Variants in SDR39U1 observed in about 807,000 individuals in gnomAD.
SDR39U1 encodes short chain dehydrogenase/reductase family 39U member 1.
In SDR39U1, 29 loss-of-function variants were observed where a neutral mutation model predicts 31.7. That is an observed-to-expected ratio of 0.92 (90% CI 0.68 to 1.25). The LOEUF (loss-of-function observed/expected upper bound fraction) is 1.25, where lower values mean the gene tolerates loss of function less well. SDR39U1 is among the 50% of genes most tolerant of loss of function. The pLI, the probability that SDR39U1 is intolerant of heterozygous loss-of-function variation, is 0.00. For synonymous variants in SDR39U1, 147 were observed against 159.0 expected (o/e 0.92, Z 0.57); for missense variants, 403 against 378.4 (o/e 1.06, Z -0.54).
chr14:24,440,508 G>A lies in SDR39U1; in HGVS notation c.473-16C>T. On this transcript the variant is annotated splice_polypyrimidine_tract_variant and intron_variant, in intron 5 of 5. Coordinates refer to ENST00000399395, the MANE Select transcript of SDR39U1 (RefSeq NM_020195.3). Reference sequence around the variant, plus strand: ...AGCACAACCCCTAGAGCAGGAAAGAGGGAAGGTACAGGGGTCCTCTCAGCC... The same window carrying A: ...AGCACAACCCCTAGAGCAGGAAAGAAGGAAGGTACAGGGGTCCTCTCAGCC... 3 of 1,592,468 alleles carry A rather than the reference G, an allele frequency of 1.9e-6. No individual in the cohort carries two copies. Among genetic ancestry groups the A allele is most frequent in the Non-Finnish European group, 2.6e-6 (3 of 1,169,584 alleles).
At chr14:24,440,728 C>A in intron 5 of SDR39U1, 55 bp downstream of exon 5, 2 of 1,590,006 alleles carry the variant, frequency 1.3e-6, no homozygotes, top group Non-Finnish European at 1.7e-6. Context: ...CCCATCACTT[C>A]CCCAGCCCAG....
In SDR39U1 at chr14:24,440,379, C is replaced by T. The variant is rs201633979; in HGVS notation, c.586G>A (p.Gly196Arg). The T allele has an allele frequency of 1.2e-5, 20 of 1,613,964 alleles. No individual in the cohort carries two copies. The highest frequency in any genetic ancestry group is 5.0e-5 in the Admixed American group (3 of 60,014). The part of the protein sequence containing the change: ...GHQFFPWIHI[G>R]DLAGILTHAL... ...TGGGTCAGGATTCCTGCCAGGTCCCCGATGTGTATCCAGGGGAAGAATTGG... is the reference window on the plus strand; with the variant it reads ...TGGGTCAGGATTCCTGCCAGGTCCCTGATGTGTATCCAGGGGAAGAATTGG... Residue 196 changes from glycine (G) to arginine (R), a missense_variant, in exon 6 of 6, where the codon GGG becomes AGG. Transcript: ENST00000399395.
rs779232505 is a variant in SDR39U1 at position 24,441,706 on chromosome 14, G to A, written c.296C>T (p.Pro99Leu). 1.9e-6 allele frequency: 3 copies of A among 1,595,468 alleles called. No homozygotes were observed. The South Asian group carries it at 3.4e-5, about 18-fold the overall frequency. ...TGTGACTAAGACCCAGGCCTTGGGG[G>A]GTTGTGGGGCTTTGGTGATGGCTTT... is the stretch of plus-strand genomic sequence containing the variant. The part of the protein sequence containing the change: ...LAKAITKAPQ[P>L]PKAWVLVTGV... The change falls in exon 4 of 6, where the codon CCC becomes CTC. Residue 99 changes from proline (P) to leucine (L), a missense_variant. Transcript: ENST00000399395.
rs765617783 is a variant in SDR39U1, at chr14:24,440,168, T to C, written c.797A>G (p.Lys266Arg). ...GGCCAGTGTTCGCTGTGGGATCACC[T>C]TCTGGCCCTCCAGCAGCATGATGGC... ...QRAIMLLEGQ[K>R]VIPQRTLATG... Residue 266 changes from lysine to arginine, a missense_variant, in exon 6 of 6, where the codon AAG becomes AGG. Coordinates refer to ENST00000399395, the MANE Select transcript of SDR39U1 (RefSeq NM_020195.3). 1.9e-6 allele frequency: 3 copies of C among 1,613,868 alleles called. No individual in the cohort carries two copies. In the East Asian group the frequency reaches 6.7e-5, roughly 36 times the overall value.
At chr14:24,441,901 C>T (rs1402999312) in intron 3 of SDR39U1, 106 bp from the exon 4 acceptor site, 2 of 1,470,008 alleles carry the variant, frequency 1.4e-6, no homozygotes, top group Non-Finnish European at 1.9e-6. Context: ...CTTGTAAAGC[C>T]CTGAATTTCG....
In SDR39U1 at chr14:24,442,371, T is replaced by C; in HGVS notation, c.98A>G (p.Lys33Arg). 6.2e-7 allele frequency: 1 copy of C among 1,611,952 alleles called. No individual in the cohort carries two copies. The highest frequency in any genetic ancestry group is 8.5e-7 in the Non-Finnish European group (1 of 1,179,024). The change falls in exon 2 of 6, where the codon AAG becomes AGG. Residue 33 changes from lysine to arginine, a missense_variant. By Grantham distance (26) the Lys-to-Arg change is conservative. Transcript: ENST00000399395. ...CCACGTGATCCGGCCGGGCCCGGGCTTTCGGGAGACCAACGTCACTTCGTG... is the reference window on the plus strand; with the variant it reads ...CCACGTGATCCGGCCGGGCCCGGGCCTTCGGGAGACCAACGTCACTTCGTG... ...RGHEVTLVSR[K>R]PGPGRITWDE...
At chr14:24,442,722 G>A (rs753317296) in intron 1 of SDR39U1, 32 bp downstream of exon 1, 1 of 1,613,350 alleles carries the variant, frequency 6.2e-7, no homozygotes, top group South Asian at 1.1e-5. Flanking sequence ...GACTAAGCCC[G>A]CCCAGCACTC....
Position 24,442,170 on chromosome 14 carries a change from G to A in SDR39U1, c.206+8C>T. On this transcript the variant is annotated splice_region_variant and intron_variant, in intron 3 of 5. Coordinates refer to ENST00000399395, the MANE Select transcript of SDR39U1 (RefSeq NM_020195.3). ...CTAGTGGGTATCAGCTTTAGGGCCC[G>A]GGCTGACCTTCGGAGAGGGTTGAGG... 1 of 1,609,116 alleles carries A rather than the reference G, an allele frequency of 6.2e-7. No homozygotes were observed. The highest frequency in any genetic ancestry group is 8.5e-7 in the Non-Finnish European group (1 of 1,177,804).
At chr14:24,441,111 C>CTT (rs10668100) in intron 4 of SDR39U1, 185 bp from the exon 5 acceptor site, 630,384 of 728,290 alleles carry the variant, frequency 0.87, 277,126 homozygotes, top group Non-Finnish European at 0.9. Context: ...TGGAGGAACT[C>CTT]TGGTTGCAGG....
At chr14:24,440,663 G>A in intron 5 of SDR39U1, 120 bp downstream of exon 5, 1 of 1,388,244 alleles carries the variant, frequency 7.2e-7, no homozygotes, top group Non-Finnish European at 1.0e-6. Context: ...TCTGCAGGTT[G>A]GCTAGAAGTG....
Position 24,440,197 on chromosome 14 carries a change from C to T in SDR39U1, c.768G>A (p.Gln256=), listed in dbSNP as rs2043280462. The T allele has an allele frequency of 6.2e-7, 1 of 1,613,876 alleles. No individual in the cohort carries two copies. The highest frequency in any genetic ancestry group is 8.5e-7 in the Non-Finnish European group (1 of 1,179,872). Residue 256 remains glutamine (Q), a synonymous_variant, in exon 6 of 6, where the codon CAG becomes CAA. Transcript: ENST00000399395. ...GGCCCTCCAGCAGCATGATGGCACGCTGTCGCCCAAAGACAGCTTGCACCA... is the reference window on the plus strand; with the variant it reads ...GGCCCTCCAGCAGCATGATGGCACGTTGTCGCCCAAAGACAGCTTGCACCA... The part of the protein sequence containing the change: ...SAVVQAVFGR[Q]RAIMLLEGQK...
At chr14:24,440,689 T>G in intron 5 of SDR39U1, 94 bp downstream of exon 5, 1 of 1,495,510 alleles carries the variant, frequency 6.7e-7, no homozygotes, top group Non-Finnish European at 9.1e-7. Context: ...ATCCTCTCAC[T>G]CTGTAATTGT....
chr14:24,440,736 C>T (rs768887215), intron 5 of SDR39U1, 47 bp downstream of exon 5: 4 of 1,599,274 alleles, frequency 2.5e-6, no homozygotes, highest in Non-Finnish European at 3.4e-6. Context: ...TTCCCCAGCC[C>T]AGAGAAGACA....
In SDR39U1 at chr14:24,442,366, C is replaced by T. The variant is rs1193102222; in HGVS notation, c.103G>A (p.Gly35Arg). Residue 35 changes from glycine to arginine, a missense_variant, in exon 2 of 6, where the codon GGG becomes AGG. By Grantham distance (125) the Gly-to-Arg change is moderately radical. Coordinates refer to ENST00000399395, the MANE Select transcript of SDR39U1 (RefSeq NM_020195.3). Reference sequence around the variant, plus strand: ...CTTACCCACGTGATCCGGCCGGGCCCGGGCTTTCGGGAGACCAACGTCACT... The same window carrying T: ...CTTACCCACGTGATCCGGCCGGGCCTGGGCTTTCGGGAGACCAACGTCACT... ...HEVTLVSRKPGPGRITWDELA... is the reference protein window; with the variant it reads ...HEVTLVSRKPRPGRITWDELA... The T allele has an allele frequency of 1.9e-6, 3 of 1,611,682 alleles. No individual in the cohort carries two copies. The South Asian group carries it at 3.3e-5, about 18-fold the overall frequency.
chr14:24,441,764 C>CCA lies in SDR39U1; in HGVS notation c.237_238insTG (p.Gly80TrpfsTer5). ...AATTGGGTGGTCTCTAGGCGGCTGCCGATTACCTCTTTTTGGAAGGTTTCA... is the reference window on the plus strand; with the variant it reads ...AATTGGGTGGTCTCTAGGCGGCTGCCCAGATTACCTCTTTTTGGAAGGTTTCA... On this transcript the variant is annotated frameshift_variant, in exon 4 of 6. Transcript: ENST00000399395. LOFTEE classifies it high-confidence loss of function. 6.2e-7 allele frequency: 1 copy of CCA among 1,603,770 alleles called. No individual in the cohort carries two copies. The highest frequency in any genetic ancestry group is 8.5e-7 in the Non-Finnish European group (1 of 1,176,994).
At position 24,442,672 on chromosome 14, in the gene SDR39U1, C is replaced by T. The variant is rs1233282623; in HGVS notation, c.16+82G>A. On this transcript the variant is annotated intron_variant, in intron 1 of 5. Coordinates refer to ENST00000399395, the MANE Select transcript of SDR39U1 (RefSeq NM_020195.3). The stretch of plus-strand genomic sequence containing the variant: ...AAGGCCAGGTTGCCTGTGCACTAGA[C>T]AGTGCCCTCCCGGAAGCGGATTCCC... The T allele has an allele frequency of 3.0e-5, 46 of 1,550,618 alleles. No homozygotes were observed. In the Admixed American group the frequency reaches 7.3e-4, roughly 25 times the overall value.
chr14:24,440,666 T>G (rs1371450243), intron 5 of SDR39U1, 117 bp downstream of exon 5: 1 of 1,421,244 alleles, frequency 7.0e-7, no homozygotes, highest in Non-Finnish European at 9.7e-7. Flanking sequence ...GCAGGTTGGC[T>G]AGAAGTGGTG....
intron 4 of SDR39U1, 48 bp from the exon 5 acceptor site, chr14:24,440,974 T>G: frequency 6.2e-7 from 1 of 1,610,842 alleles, no homozygotes; most frequent in South Asian, 1.1e-5. Context: ...TGGTCCTGCC[T>G]GGCTCTCTGT....
Position 24,442,347 on chromosome 14 carries a change from C to T in SDR39U1, c.122G>A (p.Trp41Ter), listed in dbSNP as rs1277417248. Reference sequence around the variant, plus strand: ...CCCGCTTCCAGAGGATGGACTTACCCACGTGATCCGGCCGGGCCCGGGCTT... The same window carrying T: ...CCCGCTTCCAGAGGATGGACTTACCTACGTGATCCGGCCGGGCCCGGGCTT... Reference protein sequence around the residue: ...SRKPGPGRITWDELAASGLPS... With the variant: ...SRKPGPGRIT Residue 41 changes from tryptophan to a stop codon, truncating the protein, a stop_gained and splice_region_variant, in exon 2 of 6, where the codon TGG (tryptophan) becomes TAG (stop). Coordinates refer to ENST00000399395, the MANE Select transcript of SDR39U1 (RefSeq NM_020195.3). LOFTEE classifies it high-confidence loss of function. 2 of 1,610,422 alleles carry T rather than the reference C, an allele frequency of 1.2e-6. No homozygotes were observed. Among genetic ancestry groups the T allele is most frequent in the African/African-American group, 1.3e-5 (1 of 74,732 alleles).
Sources: allele counts gnomAD v4.1 joint callset, GRCh38; gene constraint gnomAD v4.1.1; transcripts MANE v1.5; gene names NCBI Gene and HGNC (gene_info 2026-07-23, HGNC 2026-07-21).